The following TPST1 variants were observed in gnomAD, a reference collection of about 807,000 sequenced individuals.
The protein encoded by TPST1 is tyrosylprotein sulfotransferase 1.
TPST1 carries 20 observed loss-of-function variants against 34.8 expected under a neutral mutation model. The ratio of observed to expected loss-of-function variants is 0.57; its 90% CI spans 0.40 to 0.84. TPST1 has a LOEUF of 0.84. Among genes scored for constraint, TPST1 ranks in the 40% least tolerant of loss-of-function variants. The probability of loss-of-function intolerance (pLI) is 0.00; values close to 1 mark genes in which losing one functional copy is unlikely to be tolerated. For synonymous variants in TPST1, 152 were observed against 159.4 expected, an observed-to-expected ratio of 0.95 and a Z score of 0.35; for missense variants, 353 against 455.5, an observed-to-expected ratio of 0.78 and a Z score of 2.05.
intron 1 of TPST1, among the ~76,000 whole-genome samples, chr7:66,223,736 T>C (rs1180178213): frequency 1.3e-5 from 2 of 152,186 alleles, no homozygotes; most frequent in African/African-American, 4.8e-5. Flanking sequence ...ATGAAAAATT[T>C]CAAACATATC....
At chr7:66,272,880 C>G (rs982738439) in intron 2 of TPST1, among the ~76,000 whole-genome samples, 8 of 152,192 alleles carry the variant, frequency 5.3e-5, no homozygotes, top group Non-Finnish European at 1.0e-4. Context: ...AGCCACTGTG[C>G]TTGGCCTTAC....
intron 5 of TPST1, among the ~76,000 whole-genome samples, chr7:66,357,894 G>A (rs552230972): frequency 3.9e-5 from 6 of 152,282 alleles, no homozygotes; most frequent in South Asian, 2.1e-4. Context: ...GACCAGCCTG[G>A]CCAACATAGT....
At chr7:66,238,370 G>A (rs1789954057) in intron 1 of TPST1, among the ~76,000 whole-genome samples, 1 of 149,752 alleles carries the variant, frequency 6.7e-6, no homozygotes, top group South Asian at 2.1e-4. Flanking sequence ...CTCTTGGTGC[G>A]CTTTTGTTAC....
chr7:66,199,754 C>T, the TPST1 span, among the ~76,000 whole-genome samples: 34,489 of 150,304 alleles, frequency 0.23, 4,155 homozygotes, highest in East Asian at 0.35. Context: ...CGCTCTGTCG[C>T]CCAGGCTGGA....
intron 1 of TPST1, among the ~76,000 whole-genome samples, chr7:66,229,730 T>C (rs925380802): frequency 1.3e-5 from 2 of 152,188 alleles, no homozygotes; most frequent in Non-Finnish European, 1.5e-5. Flanking sequence ...ATATCTATCA[T>C]TGGGCATTCC....
At chr7:66,228,250 G>T (rs1480972892) in intron 1 of TPST1, among the ~76,000 whole-genome samples, 1 of 152,124 alleles carries the variant, frequency 6.6e-6, no homozygotes, top group African/African-American at 2.4e-5. Context: ...TGAATATTTT[G>T]TATCTCTACT....
chr7:66,240,452 A>G lies in TPST1; in HGVS notation c.27A>G (p.Leu9=), dbSNP rs1419908580. The G allele has an allele frequency of 1.9e-6, 3 of 1,613,942 alleles. No individual in the cohort carries two copies. The highest frequency in any genetic ancestry group is 1.7e-5 in the Admixed American group (1 of 60,000). MVGKLKQN[L]LLACLVISSV... ...TGGTTGGAAAGCTGAAGCAGAACTTACTATTGGCATGTCTGGTGATTAGTT... is the reference window on the plus strand; with the variant it reads ...TGGTTGGAAAGCTGAAGCAGAACTTGCTATTGGCATGTCTGGTGATTAGTT... The change falls in exon 2 of 6, where the codon TTA becomes TTG. Residue 9 remains leucine (L), a synonymous_variant. Coordinates refer to ENST00000304842, the MANE Select transcript of TPST1 (RefSeq NM_003596.4).
intron 3 of TPST1, among the ~76,000 whole-genome samples, chr7:66,303,848 A>G (rs1482675720): frequency 6.6e-6 from 1 of 152,226 alleles, no homozygotes; most frequent in African/African-American, 2.4e-5. Flanking sequence ...TTAGCAAAAT[A>G]AACCTTACAC....
At chr7:66,333,640 G>A (rs187016644) in intron 3 of TPST1, among the ~76,000 whole-genome samples, 139 of 152,252 alleles carry the variant, frequency 9.1e-4, no homozygotes, top group Non-Finnish European at 1.7e-3. Flanking sequence ...TGGGAATTAC[G>A]TGCCTCCTTT....
At chr7:66,227,776 G>A (rs760199249) in intron 1 of TPST1, among the ~76,000 whole-genome samples, 1 of 151,016 alleles carries the variant, frequency 6.6e-6, no homozygotes, top group Non-Finnish European at 1.5e-5. Context: ...AGAAAGAGAT[G>A]AATCAAATAT....
upstream of TPST1, among the ~76,000 whole-genome samples, chr7:66,201,010 G>A (rs950604961): frequency 1.3e-5 from 2 of 152,118 alleles, no homozygotes; most frequent in East Asian, 3.9e-4. Flanking sequence ...TTACAGGTGT[G>A]AGCCACCATA....
intron 2 of TPST1, among the ~76,000 whole-genome samples, chr7:66,254,264 G>T (rs1790335566): frequency 6.6e-6 from 1 of 152,018 alleles, no homozygotes; most frequent in Admixed American, 6.6e-5. Context: ...TTTTATTTAG[G>T]TCGTCTACAA....
At position 66,241,208 on chromosome 7, in the gene TPST1, G is replaced by T. The variant is rs770713462; in HGVS notation, c.783G>T (p.Trp261Cys). The change falls in exon 2 of 6, where the codon TGG (tryptophan) becomes TGT (cysteine). Residue 261 changes from tryptophan to cysteine, a missense_variant. Physicochemically the swap from Trp to Cys is radical, Grantham distance 215. Coordinates refer to ENST00000304842, the MANE Select transcript of TPST1 (RefSeq NM_003596.4). ...RTLLKFLQIP[W>C]NHSVLHHEEM... is the part of the protein sequence containing the mutation. ...TCTTAAAGTTCCTCCAGATTCCATG[G>T]AACCACTCAGTATTGCACCATGAAG... 6.2e-7 allele frequency: 1 copy of T among 1,614,182 alleles called. No homozygotes were observed. The highest frequency in any genetic ancestry group is 8.5e-7 in the Non-Finnish European group (1 of 1,180,036).
intron 3 of TPST1, among the ~76,000 whole-genome samples, chr7:66,298,785 G>C (rs549594221): frequency 6.6e-6 from 1 of 151,368 alleles, no homozygotes; most frequent in South Asian, 2.1e-4. Context: ...TTTGCTTATA[G>C]TGGTTACTGT....
intron 2 of TPST1, among the ~76,000 whole-genome samples, chr7:66,271,913 G>T (rs1370726179): frequency 6.6e-6 from 1 of 151,896 alleles, no homozygotes; most frequent in Non-Finnish European, 1.5e-5. Flanking sequence ...GGATTATAGA[G>T]CCTAAACTAT....
chr7:66,327,715 CCT>C (rs1458502406), intron 3 of TPST1, among the ~76,000 whole-genome samples: 22 of 137,132 alleles, frequency 1.6e-4, no homozygotes, highest in Non-Finnish European at 4.7e-5. Flanking sequence ...AGAGAAAGAC[CCT>C]GTCTTAAAAA....
In TPST1 at chr7:66,205,983, C is replaced by G. The variant is rs970946018; in HGVS notation, c.-102+461C>G. The G allele has an allele frequency of 2.6e-5, 4 of 152,726 alleles. No homozygotes were observed. The highest frequency in any genetic ancestry group is 6.5e-5 in the Admixed American group (1 of 15,270). 9.5% of individuals were successfully genotyped at this position (152,726 alleles called of 1,614,324 possible). ...GCTCCAGGTGTCCCTGGGTCTTGCC[C>G]TTTTGCTCCTAAGCACCTTCCTTTC... On this transcript the variant is annotated intron_variant, in intron 1 of 5. Transcript: ENST00000304842. This position sits in a 1 kb window ranked among gnomAD's most constrained non-coding sequence, Gnocchi z 5.0.
At chr7:66,274,844 A>G (rs1186289656) in intron 2 of TPST1, among the ~76,000 whole-genome samples, 1 of 152,224 alleles carries the variant, frequency 6.6e-6, no homozygotes, top group Non-Finnish European at 1.5e-5. Context: ...ATCGCTAATC[A>G]TCAGAGAAAT....
At chr7:66,231,571 C>T (rs147047228) in intron 1 of TPST1, among the ~76,000 whole-genome samples, 4,471 of 152,326 alleles carry the variant, frequency 0.029, 93 homozygotes, top group Non-Finnish European at 0.044. Context: ...CCTCTGCAGC[C>T]GCTAGCCTGG....
Sources: gnomAD v4.1 joint callset for allele counts (sites outside exome capture counted in the v4.1 genomes callset) on GRCh38, gnomAD v4.1.1 for gene constraint, Gnocchi (gnomAD v3.1) non-coding constraint, MANE v1.5 for transcripts, NCBI Gene and HGNC (gene_info 2026-07-23, HGNC 2026-07-21) for gene names.